The following GABARAPL1 variants were observed in gnomAD, a reference collection of about 807,000 sequenced individuals.
GABARAPL1 encodes the protein GABA type A receptor associated protein like 1.
A neutral mutation model predicts 14.5 loss-of-function variants in GABARAPL1; 4 were observed. The ratio of observed to expected loss-of-function variants is 0.28; its 90% CI spans 0.14 to 0.63. The LOEUF is 0.63. Among genes scored for constraint, GABARAPL1 ranks in the 30% least tolerant of loss-of-function variants. The pLI, the probability that GABARAPL1 is intolerant of heterozygous loss-of-function variation, is 0.84. For synonymous variants in GABARAPL1, 47 were observed against 50.6 expected (o/e 0.93, Z 0.30); for missense variants, 82 against 139.2 (o/e 0.59, Z 2.07).
intron 1 of GABARAPL1, among the ~76,000 whole-genome samples, chr12:10,216,617 G>A (rs900778054): frequency 2.8e-5 from 4 of 140,450 alleles, no homozygotes; most frequent in South Asian, 2.4e-4. Flanking sequence ...TTGGCTCACC[G>A]CAACCTCTGC....
chr12:10,220,501 C>T lies in GABARAPL1; in HGVS notation c.231C>T (p.Phe77=), dbSNP rs755040702. ...RIHLRPEDAL[F]FFVNNTIPPT... is the part of the protein sequence containing the mutation. ...ACCTGAGACCTGAGGACGCCTTATT[C>T]TTCTTTGTCAACAACACCATCCCTC... The change falls in exon 3 of 4, where the codon TTC becomes TTT. Residue 77 remains phenylalanine (F), a synonymous_variant. Coordinates refer to ENST00000266458, the MANE Select transcript of GABARAPL1 (RefSeq NM_031412.4). 1.2e-6 allele frequency: 2 copies of T among 1,613,870 alleles called. No individual in the cohort carries two copies. The highest frequency in any genetic ancestry group is 8.5e-7 in the Non-Finnish European group (1 of 1,180,032).
chr12:10,221,242 T>C (rs753056980), intron 3 of GABARAPL1: 44 of 976,886 alleles, frequency 4.5e-5, no homozygotes, highest in Non-Finnish European at 5.0e-5. Flanking sequence ...ACAGATAAAC[T>C]CAGGAGGAAT....
intron 2 of GABARAPL1, among the ~76,000 whole-genome samples, chr12:10,219,343 A>AC (rs925925601): frequency 6.6e-6 from 1 of 151,636 alleles, no homozygotes; most frequent in African/African-American, 2.4e-5. Flanking sequence ...CAAAAAAAAA[A>AC]AACCCCAAAA....
chr12:10,217,902 T>G (rs1219235245), intron 1 of GABARAPL1, among the ~76,000 whole-genome samples, 161 bp from the exon 2 acceptor site: 1 of 152,056 alleles, frequency 6.6e-6, no homozygotes, highest in Non-Finnish European at 1.5e-5. Context: ...CTATTTTTTT[T>G]GTATAATTTT....
intron 3 of GABARAPL1, 77 bp downstream of exon 3, chr12:10,220,635 T>C (rs1565438016): frequency 6.2e-7 from 1 of 1,603,808 alleles, no homozygotes; most frequent in Non-Finnish European, 8.5e-7. Flanking sequence ...CTAGATGCGT[T>C]GATAACACAT....
rs1949066318 is a variant in GABARAPL1, at chr12:10,213,039, C to G, written c.-91C>G. The G allele has an allele frequency of 1.3e-6, 1 of 778,482 alleles. No homozygotes were observed. 48.2% of individuals were successfully genotyped at this position (778,482 alleles called of 1,614,324 possible). On this transcript the variant is annotated 5_prime_UTR_variant, in exon 1 of 4. Transcript: ENST00000266458. ...CGGACGTTTCTGCAGCTATTCTGAGCACACCTTGACGTCGGCTGAGGGAGC... is the reference window on the plus strand; with the variant it reads ...CGGACGTTTCTGCAGCTATTCTGAGGACACCTTGACGTCGGCTGAGGGAGC...
rs566768115 is a variant in GABARAPL1 at position 10,216,441 on chromosome 12, A to G, written c.91-1622A>G. On this transcript the variant is annotated intron_variant, in intron 1 of 3. Coordinates refer to ENST00000266458, the MANE Select transcript of GABARAPL1 (RefSeq NM_031412.4). ...GTGACCTGTTGAAGATCACACAGCC[A>G]CTAGAAGTACTCATACAGTTTTTTT... Among the ~76,000 whole-genome samples the G allele has an allele frequency of 2.4e-3, 368 of 150,244 alleles. 2 individuals carry two copies. Among genetic ancestry groups the G allele is most frequent in the African/African-American group, 8.6e-3 (350 of 40,918 alleles).
rs1202544703 is a variant in GABARAPL1, at chr12:10,221,926, A to T, written c.*74A>T. 2 of 1,383,456 alleles carry T rather than the reference A, an allele frequency of 1.4e-6. No individual in the cohort carries two copies. The highest frequency in any genetic ancestry group is 4.6e-5 in the East Asian group (2 of 43,814). The allele number at this position is 1,383,456 out of a possible 1,614,324, so 85.7% of individuals were successfully genotyped here. ...AGGGGTGTGTGTGCGCGACATGGGG[A>T]AAGAGGGTGGCTCCCACCGCAAGGA... is the stretch of plus-strand genomic sequence containing the variant. On this transcript the variant is annotated 3_prime_UTR_variant, in exon 4 of 4. Coordinates refer to ENST00000266458, the MANE Select transcript of GABARAPL1 (RefSeq NM_031412.4).
rs750838031 is a variant in GABARAPL1 at position 10,218,164 on chromosome 12, AC to A, written c.169+26del. The A allele has an allele frequency of 1.9e-5, 28 of 1,437,678 alleles. No individual in the cohort carries two copies. The East Asian group carries it at 6.1e-4, about 31-fold the overall frequency. The allele number at this position is 1,437,678 out of a possible 1,614,324, so 89.1% of individuals were successfully genotyped here. ...CTGGTAATGCTCTTTGCCTTCCCTG[AC>A]CCTTCCTCCGGTGAAAAAACTCTCT... On this transcript the variant is annotated intron_variant, in intron 2 of 3. Coordinates refer to ENST00000266458, the MANE Select transcript of GABARAPL1 (RefSeq NM_031412.4).
At chr12:10,217,726 A>G (rs1019089593) in intron 1 of GABARAPL1, among the ~76,000 whole-genome samples, 5 of 152,188 alleles carry the variant, frequency 3.3e-5, no homozygotes, top group Admixed American at 6.5e-5. Context: ...GTGAGACTTC[A>G]TCTCAAAGAT....
At chr12:10,213,890 T>C in intron 1 of GABARAPL1, 1 of 455,988 alleles carries the variant, frequency 2.2e-6, no homozygotes, top group Non-Finnish European at 4.4e-6. Context: ...TCTGATCACC[T>C]GGTACCTGGT....
At chr12:10,215,737 T>A (rs577363034) in intron 1 of GABARAPL1, among the ~76,000 whole-genome samples, 1 of 152,322 alleles carries the variant, frequency 6.6e-6, no homozygotes, top group African/African-American at 2.4e-5. Context: ...AATGCTAGCC[T>A]CTTTCTGCCT....
chr12:10,216,119 G>C (rs113748557), intron 1 of GABARAPL1, among the ~76,000 whole-genome samples: 3,833 of 152,030 alleles, frequency 0.025, 160 homozygotes, highest in African/African-American at 0.087. Flanking sequence ...ACCTGTAATC[G>C]CAGTACTTCC....
At position 10,222,792 on chromosome 12, in the gene GABARAPL1, C is replaced by G. The variant is rs1949126686; in HGVS notation, c.*940C>G. ...AGGATTCTTGCTCCCATGCTGCTGT[C>G]CCTTCAGGCTCACATGCACAGGAAT... On this transcript the variant is annotated 3_prime_UTR_variant, in exon 4 of 4. Transcript: ENST00000266458. 1 of 152,370 alleles carries G rather than the reference C, an allele frequency of 6.6e-6. No homozygotes were observed. 9.4% of individuals were successfully genotyped at this position (152,370 alleles called of 1,614,324 possible). A position where few individuals can be genotyped will look rare whatever the true frequency, so the allele number is the denominator to read the frequency against.
intron 1 of GABARAPL1, among the ~76,000 whole-genome samples, chr12:10,216,286 G>A (rs886617247): frequency 5.9e-5 from 9 of 151,914 alleles, no homozygotes; most frequent in Admixed American, 1.3e-4. Flanking sequence ...CAGGAGAATC[G>A]CTTGAGCCCA....
intron 1 of GABARAPL1, among the ~76,000 whole-genome samples, chr12:10,216,645 T>G (rs1305039701): frequency 6.6e-6 from 1 of 151,552 alleles, no homozygotes; most frequent in Admixed American, 6.6e-5. Flanking sequence ...GTTCATGCGA[T>G]TCTCCTGCCT....
chr12:10,213,898 G>C (rs1436042861), intron 1 of GABARAPL1: 3 of 455,902 alleles, frequency 6.6e-6, no homozygotes, highest in South Asian at 4.6e-5. Flanking sequence ...CCTGGTACCT[G>C]GTCGCGATAA....
intron 3 of GABARAPL1, 139 bp from the exon 4 acceptor site, chr12:10,221,648 C>T (rs2137592477): frequency 9.7e-7 from 1 of 1,032,566 alleles, no homozygotes; most frequent in Non-Finnish European, 1.4e-6. Context: ...CCAACCACTT[C>T]TCCCTATCCT....
intron 1 of GABARAPL1, chr12:10,214,003 T>C (rs986591372): frequency 2.7e-6 from 1 of 365,932 alleles, no homozygotes; most frequent in Non-Finnish European, 5.7e-6. Flanking sequence ...GTATTAGGTA[T>C]CTTTCAGCAT....
Sources: allele counts gnomAD v4.1 joint callset (sites outside exome capture counted in the v4.1 genomes callset), GRCh38; gene constraint gnomAD v4.1.1; transcripts MANE v1.5; gene names NCBI Gene and HGNC (gene_info 2026-07-23, HGNC 2026-07-21).